The following UNC5B variants were observed in gnomAD, a reference collection of about 807,000 sequenced individuals.
UNC5B encodes netrin receptor UNC5B.
Under a neutral mutation model 103.7 loss-of-function variants are expected in UNC5B, and 56 were observed. The observed-to-expected ratio is 0.54, with a 90% CI of 0.44 to 0.67. UNC5B has a LOEUF of 0.67. Ranked by LOEUF, UNC5B falls within the 30% of genes least tolerant of loss-of-function variation. UNC5B has a pLI of 0.00. For missense variants in UNC5B, 1,194 were observed against 1,284.5 expected, an observed-to-expected ratio of 0.93 and a Z score of 1.08; for synonymous variants, 577 against 542.0, an observed-to-expected ratio of 1.06 and a Z score of -0.90.
chr10:71,279,837 C>A lies in UNC5B; in HGVS notation c.96C>A (p.Ser32Arg), dbSNP rs80333477. ...RLSQAGTDSG[S>R]EVLPDSFPSA... Reference sequence around the variant, plus strand: ...ACTCTGCAGGCACTGATTCTGGCAGCGAGGTGCTCCCTGACTCCTTCCCGT... The same window carrying A: ...ACTCTGCAGGCACTGATTCTGGCAGAGAGGTGCTCCCTGACTCCTTCCCGT... Residue 32 changes from serine to arginine, a missense_variant, in exon 2 of 17, where the codon AGC becomes AGA. By Grantham distance (110) the Ser-to-Arg change is moderately radical. Transcript: ENST00000335350. 29 of 1,613,414 alleles carry A rather than the reference C, an allele frequency of 1.8e-5. No homozygotes were observed. In the South Asian group the frequency reaches 2.9e-4, roughly 16 times the overall value.
At chr10:71,225,862 C>CCCTGCCACACAGACTTGAGGACAA (rs1262841750) in intron 1 of UNC5B, among the ~76,000 whole-genome samples, 5 of 152,034 alleles carry the variant, frequency 3.3e-5, no homozygotes, top group Non-Finnish European at 7.4e-5. Flanking sequence ...CTTGAGGACA[C>CCCTGCCACACAGACTTGAGGACAA]CCTGCAGACA....
chr10:71,261,769 G>A (rs763105622), intron 1 of UNC5B, among the ~76,000 whole-genome samples: 24 of 152,152 alleles, frequency 1.6e-4, no homozygotes, highest in Non-Finnish European at 1.9e-4. Context: ...GTGTGACTGG[G>A]GGCAAGTTAT....
At chr10:71,279,657 C>T (rs928952478) in intron 1 of UNC5B, among the ~76,000 whole-genome samples, 164 bp from the exon 2 acceptor site, 9 of 152,202 alleles carry the variant, frequency 5.9e-5, no homozygotes, top group African/African-American at 1.9e-4. Flanking sequence ...CGCAGGAGTG[C>T]CAGACTTGAC....
rs769040168 is a variant in UNC5B, at chr10:71,299,263, G to A, written c.2824G>A (p.Asp942Asn). The change falls in exon 17 of 17, where the codon GAC becomes AAC. Residue 942 changes from aspartate to asparagine, a missense_variant. Asp to Asn is a conservative substitution (Grantham distance 23, BLOSUM62 1). Transcript: ENST00000335350. ...KSEMLVAVAT[D>N]GDC is the part of the protein sequence containing the mutation. The stretch of plus-strand genomic sequence containing the variant: ...TGAGATGCTGGTGGCTGTGGCCACC[G>A]ACGGGGACTGCTGAGCCTCCTGGGA... The A allele has an allele frequency of 8.7e-6, 14 of 1,614,056 alleles. No individual in the cohort carries two copies. The highest frequency in any genetic ancestry group is 1.7e-5 in the Admixed American group (1 of 60,032).
intron 1 of UNC5B, among the ~76,000 whole-genome samples, chr10:71,279,509 G>A (rs1056769306): frequency 3.3e-5 from 5 of 152,210 alleles, no homozygotes; most frequent in Admixed American, 3.3e-4. Flanking sequence ...TCCTCACCCA[G>A]ACAGATCGCC....
At chr10:71,237,098 C>T (rs141234126) in intron 1 of UNC5B, among the ~76,000 whole-genome samples, 24 of 152,226 alleles carry the variant, frequency 1.6e-4, no homozygotes, top group African/African-American at 5.3e-4. Flanking sequence ...CCTGCCTGGG[C>T]GGAGGGTAGC....
At position 71,287,519 on chromosome 10, in the gene UNC5B, G is replaced by A. The variant is rs981643671; in HGVS notation, c.734-79G>A. The stretch of plus-strand genomic sequence containing the variant: ...GGCCAGGCTTCAGCAGAGGGGCCTC[G>A]TCAGGGTGAGGGACGGGTTTGGGGG... On this transcript the variant is annotated intron_variant, in intron 5 of 16. Transcript: ENST00000335350. 3.8e-5 allele frequency: 57 copies of A among 1,499,964 alleles called. No homozygotes were observed. The African/African-American group carries it at 3.9e-4, about 10-fold the overall frequency. The allele number at this position is 1,499,964 out of a possible 1,614,324, so 92.9% of individuals were successfully genotyped here.
chr10:71,254,186 T>C (rs1844239259), intron 1 of UNC5B, among the ~76,000 whole-genome samples: 2 of 152,244 alleles, frequency 1.3e-5, no homozygotes, highest in Non-Finnish European at 2.9e-5. Context: ...TATGCAAATG[T>C]CTGTGGCTTC....
chr10:71,275,823 C>T (rs2076472263), intron 1 of UNC5B, among the ~76,000 whole-genome samples: 1 of 151,914 alleles, frequency 6.6e-6, no homozygotes, highest in South Asian at 2.1e-4. Flanking sequence ...AGATAGCTGT[C>T]AGACACTGCA....
chr10:71,289,824 G>GT (rs775991355), intron 8 of UNC5B, among the ~76,000 whole-genome samples: 5 of 152,224 alleles, frequency 3.3e-5, no homozygotes, highest in Non-Finnish European at 7.3e-5. Flanking sequence ...AGATACAGGG[G>GT]GACAGAAGTC....
chr10:71,287,748 G>A lies in UNC5B; in HGVS notation c.884G>A (p.Cys295Tyr). The change falls in exon 6 of 17, where the codon TGC becomes TAC. Residue 295 changes from cysteine to tyrosine, a missense_variant. Cys to Tyr is a radical substitution (Grantham distance 194). Transcript: ENST00000335350. Reference protein sequence around the residue: ...CEGQAFQKTACTTICPVDGAW... With the variant: ...CEGQAFQKTAYTTICPVDGAW... ...GGCCAGGCATTCCAGAAGACCGCCT[G>A]CACCACCATCTGCCCAGGTAAGGAG... The A allele has an allele frequency of 6.2e-7, 1 of 1,612,750 alleles. No individual in the cohort carries two copies. The highest frequency in any genetic ancestry group is 8.5e-7 in the Non-Finnish European group (1 of 1,179,306).
intron 2 of UNC5B, among the ~76,000 whole-genome samples, chr10:71,283,614 A>T (rs1844986814): frequency 6.6e-6 from 1 of 152,216 alleles, no homozygotes; most frequent in South Asian, 2.1e-4. Context: ...GACACAAGGC[A>T]GTCAGGGAGG....
In UNC5B at chr10:71,279,867, G is replaced by T. The variant is rs369868803; in HGVS notation, c.126G>T (p.Ala42=). ...TGCTCCCTGACTCCTTCCCGTCAGC[G>T]CCAGCAGAGCCGCTGCCCTACTTCC... ...SEVLPDSFPS[A]PAEPLPYFLQ... The change falls in exon 2 of 17, where the codon GCG becomes GCT. Residue 42 remains alanine (A), a synonymous_variant. Coordinates refer to ENST00000335350, the MANE Select transcript of UNC5B (RefSeq NM_170744.5). The T allele has an allele frequency of 6.2e-7, 1 of 1,613,756 alleles. No individual in the cohort carries two copies. The highest frequency in any genetic ancestry group is 8.5e-7 in the Non-Finnish European group (1 of 1,179,946).
At chr10:71,228,931 C>A (rs1843625998) in intron 1 of UNC5B, among the ~76,000 whole-genome samples, 1 of 152,212 alleles carries the variant, frequency 6.6e-6, no homozygotes, top group South Asian at 2.1e-4. Context: ...CCTTTGGACT[C>A]CAGATTCGGT....
At chr10:71,274,976 G>A (rs1255104242) in intron 1 of UNC5B, among the ~76,000 whole-genome samples, 1 of 152,236 alleles carries the variant, frequency 6.6e-6, no homozygotes, top group Non-Finnish European at 1.5e-5. Context: ...AGGAGGGCTT[G>A]AGAGACTGAC....
At position 71,246,607 on chromosome 10, in the gene UNC5B, G is replaced by A. The variant is rs181224347; in HGVS notation, c.80-33214G>A. On this transcript the variant is annotated intron_variant, in intron 1 of 16. Coordinates refer to ENST00000335350, the MANE Select transcript of UNC5B (RefSeq NM_170744.5). ...AAGGGAGGGAAGTGAGGGAGGGAGG[G>A]ACAAACTGACAGTTGGATGGGTGGC... Among the ~76,000 whole-genome samples the A allele has an allele frequency of 5.1e-3, 782 of 152,232 alleles. 8 individuals are homozygous for A. Among genetic ancestry groups the A allele is most frequent in the Middle Eastern group, 0.014 (4 of 294 alleles).
At chr10:71,239,123 C>A (rs1395209432) in intron 1 of UNC5B, among the ~76,000 whole-genome samples, 3 of 152,162 alleles carry the variant, frequency 2.0e-5, no homozygotes, top group Non-Finnish European at 2.9e-5. Context: ...CCTCTGCCCC[C>A]ACAGTGCCAG....
chr10:71,233,300 G>A (rs1054669295), intron 1 of UNC5B, among the ~76,000 whole-genome samples: 11 of 152,076 alleles, frequency 7.2e-5, no homozygotes, highest in East Asian at 1.9e-4. Context: ...GCCCCATCCC[G>A]GGGTCCTGAG....
chr10:71,226,220 G>A (rs141686117), intron 1 of UNC5B, among the ~76,000 whole-genome samples: 1,722 of 152,030 alleles, frequency 0.011, 25 homozygotes, highest in African/African-American at 0.032. Context: ...GATTACAGGC[G>A]CCCGCCACCA....
Sources: allele counts gnomAD v4.1 joint callset (sites outside exome capture counted in the v4.1 genomes callset), GRCh38; gene constraint gnomAD v4.1.1; transcripts MANE v1.5; gene names NCBI Gene and HGNC (gene_info 2026-07-23, HGNC 2026-07-21).